The following ARHGAP29 variants were observed in gnomAD, a reference collection of about 807,000 sequenced individuals.
The protein encoded by ARHGAP29 is Rho GTPase activating protein 29.
Under a neutral mutation model 122.6 loss-of-function variants are expected in ARHGAP29, and 43 were observed. That is an observed-to-expected ratio of 0.35 (90% CI 0.27 to 0.45). The LOEUF is 0.45. Ranked by LOEUF, ARHGAP29 falls within the 20% of genes least tolerant of loss-of-function variation. ARHGAP29 has a pLI of 1.00. For synonymous variants in ARHGAP29, 506 were observed against 497.1 expected, an observed-to-expected ratio of 1.02 and a Z score of -0.24; for missense variants, 1,303 against 1,477.2, an observed-to-expected ratio of 0.88 and a Z score of 1.93.
At position 94,173,679 on chromosome 1, in the gene ARHGAP29, A is replaced by C. The variant is rs369260500; in HGVS notation, c.*190T>G. On this transcript the variant is annotated 3_prime_UTR_variant, in exon 23 of 23. Coordinates refer to ENST00000260526, the MANE Select transcript of ARHGAP29 (RefSeq NM_004815.4). ...TTTAAAGATAATTCCAGTGAGGCAC[A>C]AATGTGACCCTATCAAAACATTCTA... The C allele has an allele frequency of 3.3e-6, 2 of 600,762 alleles. No individual in the cohort carries two copies. Among genetic ancestry groups the C allele is most frequent in the Non-Finnish European group, 5.5e-6 (2 of 363,352 alleles). The allele number at this position is 600,762 out of a possible 1,614,324, so 37.2% of individuals were successfully genotyped here.
Position 94,189,268 on chromosome 1 carries a change from G to C in ARHGAP29, c.1524C>G (p.Asp508Glu). 1 of 1,613,150 alleles carries C rather than the reference G, an allele frequency of 6.2e-7. No homozygotes were observed. Among genetic ancestry groups the C allele is most frequent in the South Asian group, 1.1e-5 (1 of 91,006 alleles). ...NSLEDVVRLP[D>E]SSNKIEEDRC... ...TGTCCTCTTCAATTTTATTAGAACT[G>C]TCAGGAAGGCGTACAACATCCTCTA... Residue 508 changes from aspartate to glutamate, a missense_variant, in exon 14 of 23, where the codon GAC (aspartate) becomes GAG (glutamate). By Grantham distance (45) the Asp-to-Glu change is conservative. Coordinates refer to ENST00000260526, the MANE Select transcript of ARHGAP29 (RefSeq NM_004815.4).
intron 6 of ARHGAP29, 21 bp from the exon 7 acceptor site, chr1:94,205,219 G>GT: frequency 6.4e-7 from 1 of 1,553,058 alleles, no homozygotes; most frequent in Non-Finnish European, 8.7e-7. Context: ...AAATATCAAG[G>GT]TAAGTATATG....
At chr1:94,226,094 A>C (rs1339337821) in intron 2 of ARHGAP29, among the ~76,000 whole-genome samples, 1 of 152,036 alleles carries the variant, frequency 6.6e-6, no homozygotes, top group African/African-American at 2.4e-5. Context: ...GTTTTCTTTC[A>C]TTAAAAAAAA....
chr1:94,290,155 T>G, the ARHGAP29 span, among the ~76,000 whole-genome samples: 2 of 152,244 alleles, frequency 1.3e-5, no homozygotes, highest in Admixed American at 1.3e-4. Flanking sequence ...ATTAATTATT[T>G]CCTCAATTTC....
At chr1:94,242,139 CACA>C (rs1653611340), upstream of ARHGAP29, among the ~76,000 whole-genome samples, 2 of 152,074 alleles carry the variant, frequency 1.3e-5, no homozygotes, top group African/African-American at 4.8e-5. Flanking sequence ...TACAGCAAAA[CACA>C]ACAAGGATTG....
At chr1:94,210,267 C>G (rs1651501452) in intron 3 of ARHGAP29, among the ~76,000 whole-genome samples, 1 of 152,148 alleles carries the variant, frequency 6.6e-6, no homozygotes, top group African/African-American at 2.4e-5. Flanking sequence ...AAGTCACTCT[C>G]TATTTTAAAA....
chr1:94,311,545 A>G, the ARHGAP29 span, among the ~76,000 whole-genome samples: 1 of 152,128 alleles, frequency 6.6e-6, no homozygotes, highest in Non-Finnish European at 1.5e-5. Context: ...GGGGTAAGAG[A>G]AAAATGGGGT....
chr1:94,296,435 C>T, the ARHGAP29 span, among the ~76,000 whole-genome samples: 1 of 152,180 alleles, frequency 6.6e-6, no homozygotes, highest in African/African-American at 2.4e-5. Flanking sequence ...TAAACTCTTA[C>T]TGTGCCTAAT....
At chr1:94,177,236 CTGTA>C (rs1438163748) in intron 22 of ARHGAP29, 1 of 159,690 alleles carries the variant, frequency 6.3e-6, no homozygotes. Context: ...CTAGTTGACT[CTGTA>C]TGAGCAGTTA....
the ARHGAP29 span, among the ~76,000 whole-genome samples, chr1:94,312,325 G>A: frequency 4.0e-5 from 6 of 150,160 alleles, no homozygotes; most frequent in East Asian, 1.9e-4. Context: ...AATCTGATCC[G>A]GCCTTCCTCC....
intron 5 of ARHGAP29, among the ~76,000 whole-genome samples, chr1:94,207,472 T>C (rs992468726): frequency 1.3e-5 from 2 of 152,228 alleles, no homozygotes; most frequent in Non-Finnish European, 2.9e-5. Flanking sequence ...TAAGAATTAG[T>C]ATAATATGTA....
At position 94,196,386 on chromosome 1, in the gene ARHGAP29, C is replaced by A. The variant is rs374117683; in HGVS notation, c.1281+5334G>T. 2.1e-3 allele frequency among the ~76,000 whole-genome samples: 323 copies of A among 150,274 alleles called. 1 individual carries two copies. The highest frequency in any genetic ancestry group is 7.3e-3 in the African/African-American group (298 of 41,020). ...ACGCCATTCTCCTGCCTCAGCCTCCCGAGTAGCTGGGACTACAGGCGCCCG... is the reference window on the plus strand; with the variant it reads ...ACGCCATTCTCCTGCCTCAGCCTCCAGAGTAGCTGGGACTACAGGCGCCCG... On this transcript the variant is annotated intron_variant, in intron 12 of 22. Transcript: ENST00000260526.
chr1:94,224,631 A>G (rs7515965), intron 2 of ARHGAP29, among the ~76,000 whole-genome samples: 134,420 of 152,088 alleles, frequency 0.88, 59,620 homozygotes, highest in Non-Finnish European at 0.92. Context: ...AACTCTTTGG[A>G]GTCCTCAGTA....
Position 94,173,754 on chromosome 1 carries a change from C to G in ARHGAP29, c.*115G>C. ...TAAATACAACAACAAAAGGCAAAAC[C>G]CATGATTTGGCAGTCCTATACAAAA... On this transcript the variant is annotated 3_prime_UTR_variant, in exon 23 of 23. Coordinates refer to ENST00000260526, the MANE Select transcript of ARHGAP29 (RefSeq NM_004815.4). 1 of 1,312,512 alleles carries G rather than the reference C, an allele frequency of 7.6e-7. No individual in the cohort carries two copies. The highest frequency in any genetic ancestry group is 2.3e-5 in the East Asian group (1 of 42,872). 81.3% of individuals were successfully genotyped at this position (1,312,512 alleles called of 1,614,324 possible).
Position 94,202,660 on chromosome 1 carries a change from T to C in ARHGAP29, c.1027A>G (p.Lys343Glu). Reference protein sequence around the residue: ...MQRQDEYEKAKSSMFRAEEEH... With the variant: ...MQRQDEYEKAESSMFRAEEEH... ...TCTTCTGCACGAAACATGGAAGACT[T>C]TGCTTTCTCATATTCATCTTGACGT... The change falls in exon 11 of 23, where the codon AAG becomes GAG. Residue 343 changes from lysine (K) to glutamate (E), a missense_variant. Lys to Glu is a moderately conservative substitution (Grantham distance 56). This residue lies in a region of ARHGAP29 where 592 missense variants were observed against 648.2 expected (regional missense o/e 0.91). Transcript: ENST00000260526. 6.2e-7 allele frequency: 1 copy of C among 1,614,226 alleles called. No homozygotes were observed. Among genetic ancestry groups the C allele is most frequent in the Admixed American group, 1.7e-5 (1 of 60,026 alleles).
At chr1:94,223,856 A>G (rs1369843516) in intron 2 of ARHGAP29, among the ~76,000 whole-genome samples, 1 of 151,158 alleles carries the variant, frequency 6.6e-6, no homozygotes. Flanking sequence ...CGCCTGGGCT[A>G]GAATGCCACG....
At chr1:94,232,666 T>C (rs956182538) in intron 1 of ARHGAP29, among the ~76,000 whole-genome samples, 1 of 152,186 alleles carries the variant, frequency 6.6e-6, no homozygotes, top group Non-Finnish European at 1.5e-5. Flanking sequence ...ACTTCATATG[T>C]TAAAACACCT....
intron 3 of ARHGAP29, among the ~76,000 whole-genome samples, chr1:94,215,753 AT>A (rs1487216934): frequency 1.3e-5 from 2 of 152,170 alleles, no homozygotes; most frequent in Non-Finnish European, 2.9e-5. Flanking sequence ...AGACTGAAAA[AT>A]GTTAATGCAA....
intron 1 of ARHGAP29, among the ~76,000 whole-genome samples, chr1:94,234,565 T>C (rs1398862256): frequency 6.6e-6 from 1 of 152,216 alleles, no homozygotes; most frequent in East Asian, 1.9e-4. Context: ...AAATTATTTC[T>C]GAGAATCTAA....
Sources: gnomAD v4.1 joint callset for allele counts (sites outside exome capture counted in the v4.1 genomes callset) on GRCh38, gnomAD v4.1.1 for gene constraint, gnomAD v4.1.1 regional missense constraint, MANE v1.5 for transcripts, NCBI Gene and HGNC (gene_info 2026-07-23, HGNC 2026-07-21) for gene names.